POLR1A: variants seen among roughly 807,000 people sequenced by gnomAD.
The protein encoded by POLR1A is RNA polymerase I subunit A, also known as DNA-directed RNA polymerase I subunit RPA1.
POLR1A carries 84 observed loss-of-function variants against 205.3 expected under a neutral mutation model. The ratio of observed to expected loss-of-function variants is 0.41; its 90% CI spans 0.34 to 0.49. The LOEUF (loss-of-function observed/expected upper bound fraction) is 0.49, where lower values mean the gene tolerates loss of function less well. POLR1A is among the 20% of genes least tolerant of loss of function. The pLI, the probability that POLR1A is intolerant of heterozygous loss-of-function variation, is 0.22. For synonymous variants in POLR1A, 799 were observed against 863.7 expected (o/e 0.93, Z 1.31); for missense variants, 1,645 against 2,204.5 (o/e 0.75, Z 5.08).
chr2:86,101,923 C>T (rs1673828946), intron 1 of POLR1A, among the ~76,000 whole-genome samples: 1 of 152,216 alleles, frequency 6.6e-6, no homozygotes, highest in Admixed American at 6.5e-5. Context: ...TCACTTAGCA[C>T]CGTGCCCTCA....
intron 14 of POLR1A, among the ~76,000 whole-genome samples, chr2:86,057,785 G>A (rs1351399015): frequency 6.6e-6 from 1 of 152,232 alleles, no homozygotes; most frequent in Non-Finnish European, 1.5e-5. Context: ...GTCAGGGGAT[G>A]AGAAGGAAGG....
chr2:86,056,702 AT>A lies in POLR1A; in HGVS notation c.2059-2414del, dbSNP rs376472597. Among the ~76,000 whole-genome samples the A allele has an allele frequency of 3.5e-4, 53 of 151,528 alleles. No individual in the cohort carries two copies. The East Asian group carries it at 9.3e-3, about 27-fold the overall frequency. On this transcript the variant is annotated intron_variant, in intron 14 of 33. Transcript: ENST00000263857. ...AAGTTGAAACCAGTGAACATTTACC[AT>A]TGTGAAAAATCCTAGGGCCCTTAAG...
intron 3 of POLR1A, among the ~76,000 whole-genome samples, chr2:86,098,354 T>C (rs1439939190): frequency 6.6e-6 from 1 of 152,244 alleles, no homozygotes; most frequent in African/African-American, 2.4e-5. Flanking sequence ...AAACCTTGAT[T>C]GAATCCTTGG....
At chr2:86,099,078 G>A (rs12053229) in intron 2 of POLR1A, among the ~76,000 whole-genome samples, 108,092 of 152,072 alleles carry the variant, frequency 0.71, 41,328 homozygotes, top group Non-Finnish European at 0.84. Context: ...GCTCATGCCC[G>A]TAATCCCAGC....
At chr2:86,082,998 A>C in intron 7 of POLR1A, 84 bp downstream of exon 7, 1 of 1,027,448 alleles carries the variant, frequency 9.7e-7, no homozygotes, top group South Asian at 1.3e-5. Flanking sequence ...TACAACTTAA[A>C]AGAAGTAATA....
At chr2:86,088,398 G>A (rs1673541004) in intron 6 of POLR1A, among the ~76,000 whole-genome samples, 168 bp downstream of exon 6, 1 of 152,226 alleles carries the variant, frequency 6.6e-6, no homozygotes, top group Admixed American at 6.5e-5. Context: ...CCTGAGCTGG[G>A]CGCTTGCCAG....
rs566267964 is a variant in POLR1A, at chr2:86,099,532, T to A, written c.282+436A>T. On this transcript the variant is annotated intron_variant, in intron 2 of 33. Coordinates refer to ENST00000263857, the MANE Select transcript of POLR1A (RefSeq NM_015425.6). ...AACAGGAGCTTCATTCTGACCTCAC[T>A]GTTGGGCTTTCTGGGGCTTTGCTTC... Among the ~76,000 whole-genome samples, 439 of 152,154 alleles carry A rather than the reference T, an allele frequency of 2.9e-3. 2 individuals carry two copies. Among genetic ancestry groups the A allele is most frequent in the African/African-American group, 8.3e-3 (343 of 41,524 alleles).
At chr2:86,100,356 T>C (rs938833339) in intron 1 of POLR1A, among the ~76,000 whole-genome samples, 184 bp from the exon 2 acceptor site, 2 of 152,112 alleles carry the variant, frequency 1.3e-5, no homozygotes, top group African/African-American at 4.8e-5. Flanking sequence ...CAATAGTTAA[T>C]AAATACATAT....
chr2:86,077,987 T>C lies in POLR1A; in HGVS notation c.1258-6A>G, dbSNP rs538317603. On this transcript the variant is annotated splice_polypyrimidine_tract_variant and splice_region_variant and intron_variant, in intron 10 of 33. Coordinates refer to ENST00000263857, the MANE Select transcript of POLR1A (RefSeq NM_015425.6). ...CCTTCTTTCTTCTCCAGGATCTTTATGGAGAAAAAAGGTCATAAAAAACAT... is the reference window on the plus strand; with the variant it reads ...CCTTCTTTCTTCTCCAGGATCTTTACGGAGAAAAAAGGTCATAAAAAACAT... The C allele has an allele frequency of 1.2e-6, 2 of 1,613,882 alleles. No individual in the cohort carries two copies. Among genetic ancestry groups the C allele is most frequent in the African/African-American group, 1.3e-5 (1 of 75,006 alleles).
At chr2:86,078,417 A>G in intron 9 of POLR1A, 133 bp from the exon 10 acceptor site, 1 of 626,152 alleles carries the variant, frequency 1.6e-6, no homozygotes, top group Non-Finnish European at 2.7e-6. Context: ...AACCTGACAG[A>G]TCAGAGACAA....
Position 86,020,547 on chromosome 2 carries a change from C to CAG in POLR1A, c.*6875_*6876insCT, listed in dbSNP as rs71377062. 1 of 73,310 alleles carries CAG rather than the reference C, an allele frequency of 1.4e-5. No individual in the cohort carries two copies. Among genetic ancestry groups the CAG allele is most frequent in the African/African-American group, 4.8e-5 (1 of 20,886 alleles). The allele number at this position is 73,310 out of a possible 1,614,324, so 4.5% of individuals were successfully genotyped here. ...TGGGCAACAGAGTGAGACCCCGTCTCAAAAAAAAAAAAAAAAAAAAAAAGA... is the reference window on the plus strand; with the variant it reads ...TGGGCAACAGAGTGAGACCCCGTCTCAGAAAAAAAAAAAAAAAAAAAAAAAGA... On this transcript the variant is annotated 3_prime_UTR_variant, in exon 34 of 34. Transcript: ENST00000263857.
intron 3 of POLR1A, among the ~76,000 whole-genome samples, chr2:86,091,841 C>T (rs1050823648): frequency 9.9e-5 from 15 of 152,208 alleles, no homozygotes; most frequent in Admixed American, 7.2e-4. Flanking sequence ...AGGCCGGGCA[C>T]GGTGGCTCAC....
intron 14 of POLR1A, among the ~76,000 whole-genome samples, chr2:86,057,967 C>T (rs1014219327): frequency 6.6e-6 from 1 of 152,170 alleles, no homozygotes; most frequent in Admixed American, 6.5e-5. Flanking sequence ...CAGGGTCTTG[C>T]TCTGTCACCT....
intron 29 of POLR1A, 65 bp from the exon 30 acceptor site, chr2:86,031,700 T>C (rs1672398442): frequency 1.3e-6 from 2 of 1,556,656 alleles, no homozygotes; most frequent in East Asian, 2.3e-5. Context: ...ACTCTGCCTG[T>C]GGAACAAAGA....
At chr2:86,047,574 C>T (rs1014856101) in intron 18 of POLR1A, among the ~76,000 whole-genome samples, 2 of 152,200 alleles carry the variant, frequency 1.3e-5, no homozygotes, top group African/African-American at 4.8e-5. Context: ...GCTGGCAGAT[C>T]CAGTTCGTGA....
chr2:86,029,509 C>T (rs1052595653), intron 31 of POLR1A, among the ~76,000 whole-genome samples: 14 of 152,014 alleles, frequency 9.2e-5, no homozygotes, highest in African/African-American at 1.9e-4. Flanking sequence ...CCCCTGGGAC[C>T]CCCTTTACCA....
rs1330498669 is a variant in POLR1A at position 86,054,364 on chromosome 2, AG to A, written c.2059-76del. 3.1e-5 allele frequency: 47 copies of A among 1,495,370 alleles called. No homozygotes were observed. In the South Asian group the frequency reaches 5.0e-4, roughly 16 times the overall value. The allele number at this position is 1,495,370 out of a possible 1,614,324, so 92.6% of individuals were successfully genotyped here. A position where few individuals can be genotyped will look rare whatever the true frequency, so the allele number is the denominator to read the frequency against. ...AAATGAGGACAAACTGATGGCAAAA[AG>A]AAGAGTTAAGAACTTCCCTTTTAGG... On this transcript the variant is annotated intron_variant, in intron 14 of 33. Transcript: ENST00000263857.
chr2:86,032,691 G>A (rs930169995), intron 28 of POLR1A, among the ~76,000 whole-genome samples: 2 of 152,144 alleles, frequency 1.3e-5, no homozygotes, highest in African/African-American at 4.8e-5. Context: ...GAAGAAGATG[G>A]TGTCAAATAT....
chr2:86,100,840 C>T (rs548060624), intron 1 of POLR1A, among the ~76,000 whole-genome samples: 6 of 152,226 alleles, frequency 3.9e-5, no homozygotes, highest in South Asian at 2.1e-4. Context: ...CATGCCTGGC[C>T]GCATTATTTA....
Sources: gnomAD v4.1 joint callset for allele counts (sites outside exome capture counted in the v4.1 genomes callset) on GRCh38, gnomAD v4.1.1 for gene constraint, MANE v1.5 for transcripts, NCBI Gene and HGNC (gene_info 2026-07-23, HGNC 2026-07-21) for gene names.